PCGF6: variants seen among roughly 807,000 people sequenced by gnomAD.
The protein encoded by PCGF6 is polycomb group RING finger protein 6.
PCGF6 carries 24 observed loss-of-function variants against 45.5 expected under a neutral mutation model. That is an observed-to-expected ratio of 0.53 (90% CI 0.38 to 0.74). The LOEUF (loss-of-function observed/expected upper bound fraction) is 0.74. Ranked by LOEUF, PCGF6 falls within the 30% of genes least tolerant of loss-of-function variation. The pLI is 0.00. For synonymous variants in PCGF6, 152 were observed against 162.1 expected (o/e 0.94, Z 0.47); for missense variants, 356 against 443.2 (o/e 0.80, Z 1.77).
At chr10:103,338,727 G>A (rs2093267719) in intron 6 of PCGF6, among the ~76,000 whole-genome samples, 1 of 151,762 alleles carries the variant, frequency 6.6e-6, no homozygotes, top group Non-Finnish European at 1.5e-5. Flanking sequence ...ACTTAACCGG[G>A]CATGGTGGCA....
intron 6 of PCGF6, among the ~76,000 whole-genome samples, chr10:103,336,031 C>T (rs1384938051): frequency 1.3e-5 from 2 of 151,500 alleles, no homozygotes; most frequent in African/African-American, 4.9e-5. Flanking sequence ...CTTTGGGAGG[C>T]AAGGTGGGTG....
Position 103,348,902 on chromosome 10 carries a change from G to C in PCGF6, c.458C>G (p.Thr153Ser), listed in dbSNP as rs748276554. The C allele has an allele frequency of 1.2e-6, 2 of 1,610,442 alleles. No homozygotes were observed. Among genetic ancestry groups the C allele is most frequent in the Non-Finnish European group, 1.7e-6 (2 of 1,176,828 alleles). Residue 153 changes from threonine to serine, a missense_variant and splice_region_variant, in exon 2 of 10, where the codon ACC (threonine) becomes AGC (serine). By Grantham distance (58) the Thr-to-Ser change is moderately conservative (BLOSUM62 1). Coordinates refer to ENST00000369847, the MANE Select transcript of PCGF6 (RefSeq NM_001011663.2). The part of the protein sequence containing the change: ...DATTITECLH[T>S]FCKSCIVRHF... ...AGAAATGTGATCGGTATGCTTACAG[G>C]TATGAAGACATTCTGTGATGGTAGT... is the stretch of plus-strand genomic sequence containing the variant.
At chr10:103,325,886 G>A (rs999927649) in intron 8 of PCGF6, among the ~76,000 whole-genome samples, 29 of 151,474 alleles carry the variant, frequency 1.9e-4, no homozygotes, top group Non-Finnish European at 3.2e-4. Context: ...AGCTGGGCAT[G>A]GTGGCATGTG....
At chr10:103,309,268 G>T (rs1316820080) in intron 9 of PCGF6, among the ~76,000 whole-genome samples, 1 of 152,036 alleles carries the variant, frequency 6.6e-6, no homozygotes, top group Admixed American at 6.6e-5. Flanking sequence ...ATGTTGAATT[G>T]TAATCCCCAA....
intron 8 of PCGF6, among the ~76,000 whole-genome samples, chr10:103,324,314 T>A (rs1443328928): frequency 7.8e-6 from 1 of 128,202 alleles, no homozygotes; most frequent in Non-Finnish European, 1.6e-5. Context: ...AAAGGCTTTT[T>A]AAATTTGACT....
At chr10:103,342,137 T>C (rs1331147936) in intron 6 of PCGF6, among the ~76,000 whole-genome samples, 3 of 152,012 alleles carry the variant, frequency 2.0e-5, no homozygotes, top group Non-Finnish European at 1.5e-5. Flanking sequence ...TGTTTCACCA[T>C]GTTGGCCAGG....
chr10:103,313,413 A>T (rs1427785132), intron 9 of PCGF6, among the ~76,000 whole-genome samples: 1 of 152,142 alleles, frequency 6.6e-6, no homozygotes, highest in Admixed American at 6.5e-5. Flanking sequence ...AAAAATACAA[A>T]AATCAGCCGG....
intron 9 of PCGF6, among the ~76,000 whole-genome samples, 158 bp downstream of exon 9, chr10:103,314,028 G>A (rs925060124): frequency 4.6e-5 from 7 of 152,100 alleles, no homozygotes; most frequent in African/African-American, 1.7e-4. Flanking sequence ...AACAGTACCT[G>A]ACACACAGCA....
chr10:103,312,886 G>A (rs1266622009), intron 9 of PCGF6, among the ~76,000 whole-genome samples: 14 of 152,080 alleles, frequency 9.2e-5, no homozygotes, highest in Non-Finnish European at 1.3e-4. Flanking sequence ...GCGTGAACCC[G>A]GGAGGCGGAG....
chr10:103,340,460 TAAAG>T (rs2093276712), intron 6 of PCGF6, among the ~76,000 whole-genome samples: 2 of 152,024 alleles, frequency 1.3e-5, no homozygotes, highest in South Asian at 2.1e-4. Flanking sequence ...CTGCTACAAG[TAAAG>T]AAAGAAGAAA....
Position 103,351,034 on chromosome 10 carries a change from G to C in PCGF6, c.33C>G (p.Ser11Arg), listed in dbSNP as rs1380490151. 1.3e-5 allele frequency: 18 copies of C among 1,395,002 alleles called. No individual in the cohort carries two copies. Among genetic ancestry groups the C allele is most frequent in the Non-Finnish European group, 1.7e-5 (18 of 1,074,542 alleles). The allele number at this position is 1,395,002 out of a possible 1,614,324, so 86.4% of individuals were successfully genotyped here. Residue 11 changes from serine (S) to arginine (R), a missense_variant, in exon 1 of 10, where the codon AGC becomes AGG. Ser to Arg is a moderately radical substitution (Grantham distance 110, BLOSUM62 -1). This residue lies in a region of PCGF6 where 307 missense variants were observed against 350.1 expected (regional missense o/e 0.88). Coordinates refer to ENST00000369847, the MANE Select transcript of PCGF6 (RefSeq NM_001011663.2). Reference protein sequence around the residue: MEGVAVVTAGSVGAAKTEGAA... With the variant: MEGVAVVTAGRVGAAKTEGAA... ...CTCCCTCGGTTTTGGCAGCGCCTACGCTGCCCGCCGTCACCACCGCGACCC... is the reference window on the plus strand; with the variant it reads ...CTCCCTCGGTTTTGGCAGCGCCTACCCTGCCCGCCGTCACCACCGCGACCC...
intron 5 of PCGF6, among the ~76,000 whole-genome samples, chr10:103,346,855 A>G (rs2093301679): frequency 6.6e-6 from 1 of 152,208 alleles, no homozygotes; most frequent in African/African-American, 2.4e-5. Flanking sequence ...GTGACATTAC[A>G]TCATCATAAA....
intron 9 of PCGF6, among the ~76,000 whole-genome samples, chr10:103,308,444 G>A (rs956287181): frequency 1.3e-5 from 2 of 151,710 alleles, no homozygotes; most frequent in Non-Finnish European, 2.9e-5. Context: ...TGTTGCCCAG[G>A]CTGGAGTGCA....
At chr10:103,325,142 TAAATAAAATAAAATAAAATA>T (rs202037510) in intron 8 of PCGF6, among the ~76,000 whole-genome samples, 11 of 145,092 alleles carry the variant, frequency 7.6e-5, no homozygotes, top group Admixed American at 3.5e-4. Flanking sequence ...CTCAAAATAA[TAAATAAAATAAAATAAAATA>T]AAATAAAATA....
intron 6 of PCGF6, among the ~76,000 whole-genome samples, chr10:103,340,007 CAAAA>C (rs60211186): frequency 1.7e-5 from 1 of 60,176 alleles, no homozygotes; most frequent in East Asian, 4.9e-4. Flanking sequence ...ACTAAAAATA[CAAAA>C]AAAAAAAAAA....
Position 103,347,397 on chromosome 10 carries a change from T to G in PCGF6, c.611A>C (p.Glu204Ala), listed in dbSNP as rs2093303463. Reference sequence around the variant, plus strand: ...ACCATGTAATAAAAGAAACTTACTTTCCTCTAGATTGATCACTAATTTGTA... The same window carrying G: ...ACCATGTAATAAAAGAAACTTACTTGCCTCTAGATTGATCACTAATTTGTA... ...IVYKLVINLE[E>A]REKKQMHDFY... is the part of the protein sequence containing the mutation. Residue 204 changes from glutamate to alanine, a missense_variant and splice_region_variant, in exon 4 of 10, where the codon GAA (glutamate) becomes GCA (alanine). Coordinates refer to ENST00000369847, the MANE Select transcript of PCGF6 (RefSeq NM_001011663.2). 3.1e-6 allele frequency: 5 copies of G among 1,603,866 alleles called. No individual in the cohort carries two copies. The East Asian group carries it at 1.1e-4, about 36-fold the overall frequency.
At chr10:103,324,025 C>T (rs1407313981) in intron 8 of PCGF6, among the ~76,000 whole-genome samples, 15 of 152,042 alleles carry the variant, frequency 9.9e-5, no homozygotes, top group African/African-American at 2.9e-4. Flanking sequence ...CTGCAACCTC[C>T]GTCTCCCAGG....
chr10:103,337,860 C>T (rs1341897274), intron 6 of PCGF6, among the ~76,000 whole-genome samples: 1 of 81,368 alleles, frequency 1.2e-5, no homozygotes, highest in African/African-American at 4.4e-5. Context: ...GTCAGGAGAT[C>T]GAGACCATCC....
intron 8 of PCGF6, among the ~76,000 whole-genome samples, chr10:103,317,033 A>G (rs1397463373): frequency 6.6e-6 from 1 of 152,024 alleles, no homozygotes; most frequent in East Asian, 1.9e-4. Context: ...TTTTTTAGAC[A>G]AGAGTCTCAC....
Sources: allele counts gnomAD v4.1 joint callset (sites outside exome capture counted in the v4.1 genomes callset), GRCh38; gene constraint gnomAD v4.1.1; regional missense constraint gnomAD v4.1.1; transcripts MANE v1.5; gene names NCBI Gene and HGNC (gene_info 2026-07-23, HGNC 2026-07-21).